The following PHIP variants were observed in gnomAD, a reference collection of about 807,000 sequenced individuals.
The protein encoded by PHIP is PHIP subunit of CUL4-Ring ligase complex.
PHIP carries 54 observed loss-of-function variants against 236.8 expected under a neutral mutation model. That is an observed-to-expected ratio of 0.23 (90% CI 0.18 to 0.29). The LOEUF is 0.29. PHIP is among the 10% of genes least tolerant of loss of function. The pLI, the probability that PHIP is intolerant of heterozygous loss-of-function variation, is 1.00. For missense variants in PHIP, 1,370 were observed against 2,190.8 expected (o/e 0.63, Z 7.48); for synonymous variants, 756 against 718.9 (o/e 1.05, Z -0.83).
At chr6:78,947,533 G>A in intron 36 of PHIP, 90 bp downstream of exon 36, 1 of 627,338 alleles carries the variant, frequency 1.6e-6, no homozygotes, top group South Asian at 2.5e-5. Context: ...AGTTAACTTT[G>A]ACCTAAATTT....
rs1769703247 is a variant in PHIP, at chr6:78,997,602, G to A, written c.2018-5C>T. ...CTGAGGTAGAACTTATGGAGCCTAAGTGAAAAAGTTACTATATTAAGTTCT... is the reference window on the plus strand; with the variant it reads ...CTGAGGTAGAACTTATGGAGCCTAAATGAAAAAGTTACTATATTAAGTTCT... On this transcript the variant is annotated splice_region_variant and splice_polypyrimidine_tract_variant and intron_variant, in intron 18 of 39. Coordinates refer to ENST00000275034, the MANE Select transcript of PHIP (RefSeq NM_017934.7). The A allele has an allele frequency of 5.6e-6, 9 of 1,608,102 alleles. No homozygotes were observed. The highest frequency in any genetic ancestry group is 7.7e-6 in the Non-Finnish European group (9 of 1,176,176).
chr6:78,949,878 G>A (rs963654725), intron 35 of PHIP, among the ~76,000 whole-genome samples: 3 of 151,940 alleles, frequency 2.0e-5, no homozygotes, highest in South Asian at 4.2e-4. Context: ...TTGTAAAGAC[G>A]GGGTTTTGCC....
chr6:78,962,683 C>A (rs963669405), intron 30 of PHIP, among the ~76,000 whole-genome samples: 8 of 152,226 alleles, frequency 5.3e-5, no homozygotes, highest in African/African-American at 1.9e-4. Context: ...CCTCTCCTCT[C>A]CCCTTAAGAA....
intron 35 of PHIP, among the ~76,000 whole-genome samples, chr6:78,953,595 A>G (rs1170229904): frequency 6.6e-6 from 1 of 152,204 alleles, no homozygotes; most frequent in Non-Finnish European, 1.5e-5. Flanking sequence ...AGCTCAATTT[A>G]TCACGCCGCT....
At chr6:78,976,015 A>G (rs1208878478) in intron 24 of PHIP, among the ~76,000 whole-genome samples, 1 of 151,952 alleles carries the variant, frequency 6.6e-6, no homozygotes, top group Non-Finnish European at 1.5e-5. Context: ...ACAGAATTGG[A>G]AAAAACTACT....
Position 78,939,595 on chromosome 6 carries a change from A to G in PHIP, c.*1098T>C, listed in dbSNP as rs189950841. On this transcript the variant is annotated 3_prime_UTR_variant, in exon 40 of 40. Coordinates refer to ENST00000275034, the MANE Select transcript of PHIP (RefSeq NM_017934.7). ...AGTATATAAGTATGTGTTTGTATAT[A>G]TATTTAATTATACCCATTTATCAAT... 6.6e-6 allele frequency: 1 copy of G among 152,056 alleles called. No homozygotes were observed. Among genetic ancestry groups the G allele is most frequent in the Admixed American group, 6.5e-5 (1 of 15,274 alleles). 9.4% of individuals were successfully genotyped at this position (152,056 alleles called of 1,614,324 possible).
chr6:79,054,020 C>A (rs1029484112), intron 6 of PHIP, among the ~76,000 whole-genome samples: 4 of 150,334 alleles, frequency 2.7e-5, no homozygotes, highest in Non-Finnish European at 5.9e-5. Context: ...TTTTTGTCAA[C>A]CATTAATTTC....
At chr6:78,950,627 T>C (rs1774090185) in intron 35 of PHIP, among the ~76,000 whole-genome samples, 1 of 152,188 alleles carries the variant, frequency 6.6e-6, no homozygotes, top group Non-Finnish European at 1.5e-5. Flanking sequence ...TGTAGAATTC[T>C]TTGTAGTATT....
chr6:79,061,539 G>A (rs1356973446), intron 4 of PHIP, among the ~76,000 whole-genome samples: 3 of 152,070 alleles, frequency 2.0e-5, no homozygotes, highest in African/African-American at 7.2e-5. Flanking sequence ...AAGATTCACA[G>A]AAATGTAAAA....
chr6:78,957,458 TATTA>T (rs936277296), intron 32 of PHIP: 3 of 151,906 alleles, frequency 2.0e-5, no homozygotes, highest in Non-Finnish European at 4.4e-5. Context: ...AACTTTACCT[TATTA>T]ATTATGTTTG....
rs562830575 is a variant in PHIP, at chr6:78,952,726, G to T, written c.4053+2088C>A. ...CAGTAATTATACATTTCATTTCCAGGATTCTATTTAGTTGATTTTAATATG... is the reference window on the plus strand; with the variant it reads ...CAGTAATTATACATTTCATTTCCAGTATTCTATTTAGTTGATTTTAATATG... On this transcript the variant is annotated intron_variant, in intron 35 of 39. Transcript: ENST00000275034. Among the ~76,000 whole-genome samples the T allele has an allele frequency of 2.4e-4, 37 of 152,020 alleles. No individual in the cohort carries two copies. The South Asian group carries it at 7.3e-3, about 30-fold the overall frequency.
chr6:79,058,939 T>G (rs1422983621), intron 6 of PHIP, among the ~76,000 whole-genome samples: 1 of 152,082 alleles, frequency 6.6e-6, no homozygotes, highest in Non-Finnish European at 1.5e-5. Context: ...GGAATCCTAT[T>G]ATACCACCTT....
intron 19 of PHIP, among the ~76,000 whole-genome samples, chr6:78,992,202 T>TC (rs1360183616): frequency 6.6e-6 from 1 of 151,744 alleles, no homozygotes; most frequent in South Asian, 2.1e-4. Context: ...GACCTCGTGA[T>TC]CCCCCCCACC....
rs752510641 is a variant in PHIP at position 78,998,418 on chromosome 6, G to C, written c.1880-27C>G. 3.1e-6 allele frequency: 5 copies of C among 1,596,414 alleles called. No homozygotes were observed. In the East Asian group the frequency reaches 1.1e-4, roughly 36 times the overall value. ...TATACAATACCACACAAAATATTAC[G>C]AATATTTTAGCTACTATTCAAACCA... On this transcript the variant is annotated intron_variant, in intron 17 of 39. Transcript: ENST00000275034.
At chr6:78,945,910 T>C in intron 38 of PHIP, 91 bp downstream of exon 38, 1 of 873,286 alleles carries the variant, frequency 1.1e-6, no homozygotes, top group Non-Finnish European at 1.8e-6. Context: ...CTGCTAGGAA[T>C]TACTAAAACT....
At chr6:79,023,675 A>G (rs1344307755) in intron 9 of PHIP, among the ~76,000 whole-genome samples, 1 of 152,030 alleles carries the variant, frequency 6.6e-6, no homozygotes, top group Non-Finnish European at 1.5e-5. Context: ...TGGAGAAAAA[A>G]TACTGTATTA....
chr6:78,954,676 C>T (rs1766295190), intron 35 of PHIP, 138 bp downstream of exon 35: 1 of 574,912 alleles, frequency 1.7e-6, no homozygotes, highest in Non-Finnish European at 2.9e-6. Context: ...CTCTATGTAG[C>T]CAAATGGATA....
intron 6 of PHIP, among the ~76,000 whole-genome samples, chr6:79,047,408 T>C (rs1164964748): frequency 6.6e-6 from 1 of 152,196 alleles, no homozygotes; most frequent in Non-Finnish European, 1.5e-5. Context: ...GCATATTCAA[T>C]TTAGAAAAGA....
chr6:78,983,252 T>G (rs1768658159), intron 22 of PHIP, 135 bp from the exon 23 acceptor site: 1 of 451,448 alleles, frequency 2.2e-6, no homozygotes, highest in Non-Finnish European at 3.8e-6. Context: ...ACTTCCCTAA[T>G]TTTCAACTCA....
Sources: gnomAD v4.1 joint callset for allele counts (sites outside exome capture counted in the v4.1 genomes callset) on GRCh38, gnomAD v4.1.1 for gene constraint, MANE v1.5 for transcripts, NCBI Gene and HGNC (gene_info 2026-07-23, HGNC 2026-07-21) for gene names.